Variants in BTBD8 observed in about 807,000 individuals in gnomAD.
BTBD8 encodes the protein BTB domain containing 8, also known as BTB/POZ domain-containing protein 8.
BTBD8 carries 110 observed loss-of-function variants against 162.9 expected under a neutral mutation model. The ratio of observed to expected loss-of-function variants is 0.68; its 90% CI spans 0.58 to 0.79. The LOEUF is 0.79. BTBD8 is among the 30% of genes least tolerant of loss of function. BTBD8 has a pLI of 0.00. For missense variants in BTBD8, 1,905 were observed against 2,085.4 expected, an observed-to-expected ratio of 0.91 and a Z score of 1.68; for synonymous variants, 667 against 716.1, an observed-to-expected ratio of 0.93 and a Z score of 1.10.
chr1:92,141,280 A>T, intron 7 of BTBD8, 69 bp downstream of exon 7: 2 of 1,458,670 alleles, frequency 1.4e-6, no homozygotes, highest in East Asian at 5.2e-5. Flanking sequence ...TAGATTTTTA[A>T]CTCTGATAGT....
chr1:92,146,463 A>T (rs1012879814), intron 7 of BTBD8, among the ~76,000 whole-genome samples: 3 of 152,178 alleles, frequency 2.0e-5, no homozygotes, highest in African/African-American at 7.2e-5. Flanking sequence ...ACACATTATC[A>T]TCCAAAATTC....
Position 92,135,423 on chromosome 1 carries a change from T to C in BTBD8, c.753-3927T>C, listed in dbSNP as rs575918131. Reference sequence around the variant, plus strand: ...TGGTAACACAGAGATTTTAGTAATCTACGTTCATGTTTAGTCTCTGATCTT... The same window carrying C: ...TGGTAACACAGAGATTTTAGTAATCCACGTTCATGTTTAGTCTCTGATCTT... On this transcript the variant is annotated intron_variant, in intron 5 of 17. Transcript: ENST00000636805. Among the ~76,000 whole-genome samples the C allele has an allele frequency of 2.6e-5, 4 of 152,362 alleles. No individual in the cohort carries two copies. The East Asian group carries it at 5.8e-4, about 22-fold the overall frequency.
chr1:92,184,292 G>A lies in BTBD8; in HGVS notation c.5341G>A (p.Gly1781Ser). ...SFSSEDCSPQGEWTILELETQ... is the reference protein window; with the variant it reads ...SFSSEDCSPQSEWTILELETQ... ...TTCCTCTGAAGATTGTTCGCCTCAA[G>A]GCGAGTGGACAATTCTGGAACTGGA... Residue 1781 changes from glycine (G) to serine (S), a missense_variant, in exon 18 of 18, where the codon GGC becomes AGC. Physicochemically the swap from Gly to Ser is moderately conservative, Grantham distance 56 (BLOSUM62 0). Transcript: ENST00000636805. The A allele has an allele frequency of 6.4e-7, 1 of 1,551,308 alleles. No homozygotes were observed. Among genetic ancestry groups the A allele is most frequent in the East Asian group, 2.4e-5 (1 of 40,920 alleles).
In BTBD8 at chr1:92,180,803, C is replaced by T. The variant is rs777447973; in HGVS notation, c.3120C>T (p.His1040=). ...CAAAGCTGGATAAATCATTAAAACA[C>T]GAACTGGAATCAAAACAGATTTGTT... ...NISKLDKSLK[H]ELESKQICLD... is the part of the protein sequence containing the mutation. Residue 1040 remains histidine (H), a synonymous_variant, in exon 17 of 18, where the codon CAC becomes CAT. Coordinates refer to ENST00000636805, the MANE Select transcript of BTBD8 (RefSeq NM_001376131.1). The T allele has an allele frequency of 3.1e-5, 48 of 1,551,536 alleles. No homozygotes were observed. Among genetic ancestry groups the T allele is most frequent in the Non-Finnish European group, 4.1e-5 (47 of 1,146,956 alleles).
intron 1 of BTBD8, among the ~76,000 whole-genome samples, chr1:92,087,190 C>CT (rs533138422): frequency 2.1e-4 from 31 of 149,294 alleles, no homozygotes; most frequent in Middle Eastern, 3.4e-3. Flanking sequence ...TTTATACACA[C>CT]TTTTTTTTTT....
At chr1:92,118,803 C>CTTTCTT (rs767516943) in intron 4 of BTBD8, among the ~76,000 whole-genome samples, 10 of 95,274 alleles carry the variant, frequency 1.0e-4, no homozygotes, top group African/African-American at 3.3e-4. Context: ...TTCTTTCTTT[C>CTTTCTT]TTTTTTTTTT....
intron 5 of BTBD8, among the ~76,000 whole-genome samples, chr1:92,137,424 A>G (rs1649660081): frequency 6.6e-6 from 1 of 152,168 alleles, no homozygotes; most frequent in African/African-American, 2.4e-5. Flanking sequence ...AAGAGGAAAT[A>G]GAGAGCAGAG....
chr1:92,119,776 G>A (rs1649144333), intron 4 of BTBD8, among the ~76,000 whole-genome samples: 2 of 150,382 alleles, frequency 1.3e-5, no homozygotes, highest in Non-Finnish European at 3.0e-5. Context: ...ACAGGTGCCC[G>A]TCACCGAATT....
chr1:92,147,373 A>T, intron 8 of BTBD8, 105 bp downstream of exon 8: 1 of 926,996 alleles, frequency 1.1e-6, no homozygotes, highest in Non-Finnish European at 1.6e-6. Context: ...TCTTGGACAC[A>T]ATGTAAGTAA....
chr1:92,168,730 G>A, intron 11 of BTBD8, 136 bp from the exon 12 acceptor site: 2 of 783,098 alleles, frequency 2.6e-6, no homozygotes, highest in South Asian at 9.5e-5. Flanking sequence ...TAAATAACAT[G>A]TACCCAACGA....
chr1:92,174,632 T>C (rs955228086), intron 13 of BTBD8, among the ~76,000 whole-genome samples: 7 of 151,852 alleles, frequency 4.6e-5, no homozygotes, highest in African/African-American at 1.4e-4. Context: ...AAATGTTTTT[T>C]TTTTGAGCTA....
chr1:92,167,562 A>G lies in BTBD8; in HGVS notation c.1306-286A>G, dbSNP rs529416674. The stretch of plus-strand genomic sequence containing the variant: ...ATTTCTAGGTTCTGTATTTAGGGCT[A>G]TGTTGGCTTTTAAAAACTGTGTGTC... On this transcript the variant is annotated intron_variant, in intron 10 of 17. Transcript: ENST00000636805. Among the ~76,000 whole-genome samples, 134 of 152,388 alleles carry G rather than the reference A, an allele frequency of 8.8e-4. 2 individuals carry two copies. The highest frequency in any genetic ancestry group is 2.5e-3 in the African/African-American group (106 of 41,600).
intron 5 of BTBD8, 56 bp downstream of exon 5, chr1:92,129,832 T>C (rs1017873414): frequency 7.1e-7 from 1 of 1,417,748 alleles, no homozygotes; most frequent in Non-Finnish European, 1.0e-6. Context: ...TTGTATTTCA[T>C]ACAAAGCACT....
intron 9 of BTBD8, among the ~76,000 whole-genome samples, chr1:92,160,357 C>G (rs935491425): frequency 2.0e-5 from 3 of 151,954 alleles, no homozygotes; most frequent in Non-Finnish European, 4.4e-5. Flanking sequence ...TTCATTTAGG[C>G]CAGTTTCTGG....
rs542029548 is a variant in BTBD8 at position 92,120,441 on chromosome 1, C to T, written c.663-9246C>T. Among the ~76,000 whole-genome samples, 5 of 151,338 alleles carry T rather than the reference C, an allele frequency of 3.3e-5. No homozygotes were observed. In the South Asian group the frequency reaches 1.0e-3, roughly 32 times the overall value. ...CTGCCTGAGGCTATTTAACAGTTAA[C>T]TTTTTTTTTATATGTAAGTAGGAGT... On this transcript the variant is annotated intron_variant, in intron 4 of 17. Transcript: ENST00000636805.
chr1:92,141,343 C>T (rs1361726353), intron 7 of BTBD8, 132 bp downstream of exon 7: 2 of 959,186 alleles, frequency 2.1e-6, no homozygotes, highest in Admixed American at 7.6e-5. Context: ...ATGAGAACTC[C>T]AGTTGAGAAA....
intron 3 of BTBD8, among the ~76,000 whole-genome samples, 172 bp downstream of exon 3, chr1:92,102,841 A>G (rs945085462): frequency 2.6e-5 from 4 of 152,096 alleles, no homozygotes; most frequent in Non-Finnish European, 5.9e-5. Context: ...GTAATTGGAG[A>G]TAGGGTTATT....
chr1:92,153,020 A>C (rs1298167056), intron 9 of BTBD8, among the ~76,000 whole-genome samples: 1 of 152,206 alleles, frequency 6.6e-6, no homozygotes, highest in East Asian at 1.9e-4. Context: ...TAATTTTCTC[A>C]AAATTCGAAG....
chr1:92,168,912 TC>T lies in BTBD8; in HGVS notation c.1492del (p.Leu498TrpfsTer16). On this transcript the variant is annotated frameshift_variant, in exon 12 of 18. Coordinates refer to ENST00000636805, the MANE Select transcript of BTBD8 (RefSeq NM_001376131.1). LOFTEE classifies it high-confidence loss of function. ...GCTCTGCGTGATAAGCTGTGGATCT[TC>T]CTGGTTCAGTCTTTCTATGCTGTTC... ...IQALRDKLWI[F>X]LVQSFYAVRH... 6.5e-7 allele frequency: 1 copy of T among 1,545,842 alleles called. No individual in the cohort carries two copies. Among genetic ancestry groups the T allele is most frequent in the Non-Finnish European group, 8.8e-7 (1 of 1,142,540 alleles).
Sources: allele counts gnomAD v4.1 joint callset (sites outside exome capture counted in the v4.1 genomes callset), GRCh38; gene constraint gnomAD v4.1.1; transcripts MANE v1.5; gene names NCBI Gene and HGNC (gene_info 2026-07-23, HGNC 2026-07-21).